Variants in SLC26A7 observed in about 807,000 individuals in gnomAD.
SLC26A7 encodes solute carrier family 26 member 7.
A neutral mutation model predicts 82.5 loss-of-function variants in SLC26A7; 59 were observed. That is an observed-to-expected ratio of 0.72 (90% CI 0.58 to 0.89). The LOEUF (loss-of-function observed/expected upper bound fraction) is 0.89. SLC26A7 is among the 40% of genes least tolerant of loss of function. SLC26A7 has a pLI of 0.00. For synonymous variants in SLC26A7, 271 were observed against 274.3 expected (o/e 0.99, Z 0.12); for missense variants, 820 against 793.0 (o/e 1.03, Z -0.41).
intron 15 of SLC26A7, among the ~76,000 whole-genome samples, chr8:91,382,305 T>A (rs770645273): frequency 1.3e-5 from 2 of 152,180 alleles, no homozygotes; most frequent in Non-Finnish European, 2.9e-5. Flanking sequence ...GGCTTCCTTA[T>A]CCTTTCAAAT....
intron 6 of SLC26A7, among the ~76,000 whole-genome samples, chr8:91,335,964 T>A (rs1027632284): frequency 1.2e-4 from 19 of 152,226 alleles, no homozygotes; most frequent in Admixed American, 3.9e-4. Flanking sequence ...TATGTGTATG[T>A]GTGGACACCT....
intron 2 of SLC26A7, among the ~76,000 whole-genome samples, chr8:91,250,504 T>A (rs1810629335): frequency 6.6e-6 from 1 of 152,130 alleles, no homozygotes; most frequent in Admixed American, 6.6e-5. Context: ...GATAGGTGTT[T>A]CTATTGGCAA....
intron 15 of SLC26A7, among the ~76,000 whole-genome samples, chr8:91,374,763 A>G (rs1390599389): frequency 6.6e-6 from 1 of 151,962 alleles, no homozygotes; most frequent in East Asian, 1.9e-4. Flanking sequence ...CAAGAATCCA[A>G]TTTAAATCCA....
chr8:91,293,632 G>A (rs1232632002), intron 3 of SLC26A7, among the ~76,000 whole-genome samples: 3 of 152,176 alleles, frequency 2.0e-5, no homozygotes, highest in Non-Finnish European at 4.4e-5. Flanking sequence ...CCCTAACAAA[G>A]CCTTTTAGAT....
intron 18 of SLC26A7, chr8:91,394,766 T>G: frequency 1.9e-6 from 2 of 1,064,720 alleles, no homozygotes; most frequent in Non-Finnish European, 2.4e-6. Flanking sequence ...TACTATGTTG[T>G]TTAACTGAAT....
chr8:91,305,969 G>A (rs1010073496), intron 4 of SLC26A7, among the ~76,000 whole-genome samples: 4 of 152,178 alleles, frequency 2.6e-5, no homozygotes, highest in South Asian at 2.1e-4. Context: ...TTCTTGGCAA[G>A]ATCAGATGTT....
chr8:91,394,672 T>C, intron 18 of SLC26A7: 1 of 1,100,900 alleles, frequency 9.1e-7, no homozygotes, highest in Admixed American at 4.6e-5. Flanking sequence ...AGTATGTATT[T>C]ACAAAATAAT....
chr8:91,234,825 C>CTTCCTTCCTTCCTTCCTTCCT (rs1267737133), intron 2 of SLC26A7, among the ~76,000 whole-genome samples: 18 of 86,474 alleles, frequency 2.1e-4, no homozygotes, highest in African/African-American at 8.4e-4. Flanking sequence ...ACCTACCTAC[C>CTTCCTTCCTTCCTTCCTTCCT]TACTTCCTTC....
At chr8:91,332,832 A>T (rs950239351) in intron 5 of SLC26A7, among the ~76,000 whole-genome samples, 1 of 151,838 alleles carries the variant, frequency 6.6e-6, no homozygotes, top group African/African-American at 2.4e-5. Flanking sequence ...GCTTTTTCTT[A>T]TATATTTTAT....
At chr8:91,255,346 A>G (rs757331753) in intron 2 of SLC26A7, among the ~76,000 whole-genome samples, 14 of 152,026 alleles carry the variant, frequency 9.2e-5, no homozygotes, top group Middle Eastern at 3.2e-3. Context: ...GCTTCATTGC[A>G]CTCCTGAGGG....
intron 9 of SLC26A7, among the ~76,000 whole-genome samples, chr8:91,344,473 C>G (rs1348683269): frequency 2.6e-5 from 4 of 152,178 alleles, no homozygotes; most frequent in African/African-American, 9.7e-5. Context: ...CTCAAACATT[C>G]ATTGGGAGTC....
chr8:91,384,738 A>G (rs1221680194), intron 15 of SLC26A7, among the ~76,000 whole-genome samples: 1 of 151,534 alleles, frequency 6.6e-6, no homozygotes, highest in Admixed American at 6.6e-5. Context: ...TAGGCACTCA[A>G]TACATCTATA....
chr8:91,352,898 T>A lies in SLC26A7; in HGVS notation c.1219-3T>A. ...TCTTCTTCAACTTACGTTTTATTTC[T>A]AGTGTGTCCTTGCAAGCATTATTGT... On this transcript the variant is annotated splice_region_variant and splice_polypyrimidine_tract_variant and intron_variant, in intron 10 of 18. Transcript: ENST00000276609. The A allele has an allele frequency of 6.3e-7, 1 of 1,590,662 alleles. No homozygotes were observed.
chr8:91,277,395 A>G (rs1166689963), intron 2 of SLC26A7, among the ~76,000 whole-genome samples: 1 of 152,096 alleles, frequency 6.6e-6, no homozygotes, highest in Non-Finnish European at 1.5e-5. Flanking sequence ...GCTCCTTTCA[A>G]AGTCAATATT....
rs549564537 is a variant in SLC26A7, at chr8:91,238,574, CAT to C, written c.-33-11033_-33-11032del. Among the ~76,000 whole-genome samples, 494 of 148,384 alleles carry C rather than the reference CAT, an allele frequency of 3.3e-3. 1 individual carries two copies. Among genetic ancestry groups the C allele is most frequent in the African/African-American group, 0.011 (445 of 40,656 alleles). The stretch of plus-strand genomic sequence containing the variant: ...ATATACATATATATATACACACACA[CAT>C]ATATATATATACATATAATTTGCCT... On this transcript the variant is annotated intron_variant, in intron 2 of 5. Transcript: ENST00000522862.
chr8:91,275,315 T>A (rs1811378416), intron 2 of SLC26A7, among the ~76,000 whole-genome samples: 1 of 152,186 alleles, frequency 6.6e-6, no homozygotes, highest in Non-Finnish European at 1.5e-5. Flanking sequence ...TTTTATTTTT[T>A]TGAGACAGTG....
chr8:91,261,571 G>A (rs1810966143), intron 2 of SLC26A7, among the ~76,000 whole-genome samples: 1 of 152,028 alleles, frequency 6.6e-6, no homozygotes, highest in East Asian at 1.9e-4. Context: ...TGATTTGGTG[G>A]TAAAAATTGG....
intron 2 of SLC26A7, among the ~76,000 whole-genome samples, chr8:91,230,785 A>G (rs902969424): frequency 6.6e-6 from 1 of 152,228 alleles, no homozygotes; most frequent in Non-Finnish European, 1.5e-5. Flanking sequence ...AATACTACGG[A>G]ACAGGGAATG....
chr8:91,360,737 C>T (rs1007013976), intron 11 of SLC26A7, among the ~76,000 whole-genome samples: 5 of 151,988 alleles, frequency 3.3e-5, no homozygotes, highest in Non-Finnish European at 7.4e-5. Flanking sequence ...TATTGAATCA[C>T]GGAGGATGGC....
Sources: gnomAD v4.1 joint callset for allele counts (sites outside exome capture counted in the v4.1 genomes callset) on GRCh38, gnomAD v4.1.1 for gene constraint, MANE v1.5 for transcripts, NCBI Gene and HGNC (gene_info 2026-07-23, HGNC 2026-07-21) for gene names.